The following SPECC1 variants were observed in gnomAD, a reference collection of about 807,000 sequenced individuals.
The protein encoded by SPECC1 is cytospin-B.
In SPECC1, 62 loss-of-function variants were observed where a neutral mutation model predicts 104.1. The ratio of observed to expected loss-of-function variants is 0.60; its 90% CI spans 0.49 to 0.74. SPECC1 has a LOEUF of 0.74. Among genes scored for constraint, SPECC1 ranks in the 30% least tolerant of loss-of-function variants. SPECC1 has a pLI of 0.00. For missense variants in SPECC1, 1,306 were observed against 1,310.5 expected (o/e 1.00, Z 0.05); for synonymous variants, 513 against 501.6 (o/e 1.02, Z -0.30).
At chr17:20,021,662 T>C (rs2044379769) in intron 1 of SPECC1, among the ~76,000 whole-genome samples, 1 of 143,424 alleles carries the variant, frequency 7.0e-6, no homozygotes, top group South Asian at 2.1e-4. Context: ...AAGGCTCTGA[T>C]ATATATATAT....
At chr17:20,285,777 C>G (rs1332937682) in intron 12 of SPECC1, among the ~76,000 whole-genome samples, 1 of 150,212 alleles carries the variant, frequency 6.7e-6, no homozygotes, top group Admixed American at 6.7e-5. Context: ...CTCCCTCCTT[C>G]TCTCTCCCCT....
At chr17:20,262,569 A>G (rs1186999681) in intron 12 of SPECC1, among the ~76,000 whole-genome samples, 1 of 152,130 alleles carries the variant, frequency 6.6e-6, no homozygotes, top group Non-Finnish European at 1.5e-5. Flanking sequence ...ACCTTTTCAT[A>G]TGCAAATAGA....
intron 1 of SPECC1, among the ~76,000 whole-genome samples, chr17:20,071,384 TTG>T (rs55761614): frequency 0.13 from 20,195 of 151,256 alleles, 1,321 homozygotes; most frequent in Admixed American, 0.15. Context: ...TTGTGTGTGT[TTG>T]TGTGTGTGTG....
At chr17:20,279,198 G>A (rs1258761820) in intron 12 of SPECC1, among the ~76,000 whole-genome samples, 1 of 151,716 alleles carries the variant, frequency 6.6e-6, no homozygotes, top group African/African-American at 2.4e-5. Flanking sequence ...CTCGTGAAAT[G>A]TTCATTTGGG....
intron 3 of SPECC1, among the ~76,000 whole-genome samples, chr17:20,170,089 AT>A (rs533532389): frequency 5.1e-4 from 78 of 152,306 alleles, no homozygotes; most frequent in African/African-American, 1.8e-3. Flanking sequence ...CTGCTGTTCC[AT>A]TGCCCTTGCT....
rs529347396 is a variant in SPECC1 at position 20,259,246 on chromosome 17, T to C, written c.2838-946T>C. On this transcript the variant is annotated intron_variant, in intron 11 of 14. Coordinates refer to ENST00000395527, the MANE Select transcript of SPECC1 (RefSeq NM_001243439.2). ...CCCAGATACTACATATTGTCCTGTT[T>C]ATGTGCAAGAGATTTAAATAATCAA... Among the ~76,000 whole-genome samples, 9 of 152,342 alleles carry C rather than the reference T, an allele frequency of 5.9e-5. No homozygotes were observed. In the South Asian group the frequency reaches 6.2e-4, roughly 11 times the overall value.
At chr17:20,113,700 A>G (rs1232634608) in intron 3 of SPECC1, among the ~76,000 whole-genome samples, 1 of 152,212 alleles carries the variant, frequency 6.6e-6, no homozygotes, top group Non-Finnish European at 1.5e-5. Flanking sequence ...TGGAGGAAGA[A>G]CTTACCTATC....
In SPECC1 at chr17:20,232,273, G is replaced by A; in HGVS notation, c.2219G>A (p.Cys740Tyr). 1.2e-6 allele frequency: 2 copies of A among 1,614,232 alleles called. No homozygotes were observed. Among genetic ancestry groups the A allele is most frequent in the South Asian group, 1.1e-5 (1 of 91,088 alleles). ...GTGGTGGTGGCCAATGACATCAAGTGTGAGGCCCAGCAGGAGCTGCGCACC... is the reference window on the plus strand; with the variant it reads ...GTGGTGGTGGCCAATGACATCAAGTATGAGGCCCAGCAGGAGCTGCGCACC... ...TAVVVANDIK[C>Y]EAQQELRTVK... The change falls in exon 7 of 15, where the codon TGT becomes TAT. Residue 740 changes from cysteine to tyrosine, a missense_variant. By Grantham distance (194) the Cys-to-Tyr change is radical. Coordinates refer to ENST00000395527, the MANE Select transcript of SPECC1 (RefSeq NM_001243439.2).
chr17:20,219,743 A>G (rs1297584448), intron 4 of SPECC1, among the ~76,000 whole-genome samples: 2 of 152,192 alleles, frequency 1.3e-5, no homozygotes, highest in Non-Finnish European at 2.9e-5. Context: ...TACTCAAGAA[A>G]TCATTGCCCA....
At chr17:20,170,772 C>G (rs1180689648) in intron 3 of SPECC1, among the ~76,000 whole-genome samples, 1 of 151,814 alleles carries the variant, frequency 6.6e-6, no homozygotes, top group Non-Finnish European at 1.5e-5. Flanking sequence ...CAAATTAAGC[C>G]TAATTATGGT....
At chr17:20,122,329 A>G (rs1304144579) in intron 3 of SPECC1, among the ~76,000 whole-genome samples, 1 of 152,198 alleles carries the variant, frequency 6.6e-6, no homozygotes, top group Non-Finnish European at 1.5e-5. Context: ...GAGAGTGGAC[A>G]GATGGGGTAA....
chr17:20,029,475 G>A (rs1026777909), intron 1 of SPECC1, among the ~76,000 whole-genome samples: 4 of 151,812 alleles, frequency 2.6e-5, no homozygotes, highest in Non-Finnish European at 5.9e-5. Context: ...TCTTTTTTTT[G>A]GAGGAGTTTG....
chr17:20,118,405 G>GA (rs2048868346), intron 3 of SPECC1, among the ~76,000 whole-genome samples: 1 of 152,132 alleles, frequency 6.6e-6, no homozygotes, highest in African/African-American at 2.4e-5. Flanking sequence ...TATAATATGG[G>GA]AAACAACCTA....
chr17:20,229,399 T>C (rs1181253199), intron 5 of SPECC1, among the ~76,000 whole-genome samples: 2 of 152,198 alleles, frequency 1.3e-5, no homozygotes, highest in Non-Finnish European at 2.9e-5. Flanking sequence ...TGCAGTGACC[T>C]CATCCCTGTA....
At chr17:20,294,644 G>C (rs1020560353) in intron 12 of SPECC1, among the ~76,000 whole-genome samples, 2 of 62,712 alleles carry the variant, frequency 3.2e-5, no homozygotes, top group Non-Finnish European at 7.6e-5. Context: ...TGGGGATGAT[G>C]GTCATGGTTA....
intron 1 of SPECC1, among the ~76,000 whole-genome samples, chr17:20,038,001 T>C (rs1424761652): frequency 6.6e-6 from 1 of 152,128 alleles, no homozygotes; most frequent in African/African-American, 2.4e-5. Flanking sequence ...GTAATTTGTG[T>C]TTTTTCAGTA....
chr17:20,200,900 A>AGG (rs1293641983), intron 3 of SPECC1, among the ~76,000 whole-genome samples: 1 of 152,040 alleles, frequency 6.6e-6, no homozygotes, highest in African/African-American at 2.4e-5. Flanking sequence ...TAAAAAAAAA[A>AGG]AAAAAGGAAA....
At chr17:20,091,275 C>G (rs1160943370) in intron 1 of SPECC1, among the ~76,000 whole-genome samples, 1 of 152,164 alleles carries the variant, frequency 6.6e-6, no homozygotes, top group African/African-American at 2.4e-5. Flanking sequence ...TGGCCATTTG[C>G]TGAAGTCTGG....
At chr17:20,313,705 C>T (rs1047518738) in intron 14 of SPECC1, among the ~76,000 whole-genome samples, 5 of 152,180 alleles carry the variant, frequency 3.3e-5, no homozygotes, top group African/African-American at 1.2e-4. Context: ...CTTTTTAAAA[C>T]TTGTTTAAAT....
Sources: allele counts gnomAD v4.1 joint callset (sites outside exome capture counted in the v4.1 genomes callset), GRCh38; gene constraint gnomAD v4.1.1; transcripts MANE v1.5; gene names NCBI Gene and HGNC (gene_info 2026-07-23, HGNC 2026-07-21).